The following TF variants were observed in gnomAD, a reference collection of about 807,000 sequenced individuals.
TF encodes serotransferrin.
A neutral mutation model predicts 82.4 loss-of-function variants in TF; 55 were observed. The observed-to-expected ratio is 0.67, with a 90% CI of 0.54 to 0.84. The LOEUF (loss-of-function observed/expected upper bound fraction) is 0.84. Among genes scored for constraint, TF ranks in the 40% least tolerant of loss-of-function variants. The pLI, the probability that TF is intolerant of heterozygous loss-of-function variation, is 0.00. For synonymous variants in TF, 332 were observed against 332.6 expected, an observed-to-expected ratio of 1.00 and a Z score of 0.02; for missense variants, 737 against 868.4, an observed-to-expected ratio of 0.85 and a Z score of 1.90.
chr3:133,719,266 C>T, the TF span, among the ~76,000 whole-genome samples: 1 of 152,194 alleles, frequency 6.6e-6, no homozygotes, highest in Non-Finnish European at 1.5e-5. Context: ...CAGAGAGTCA[C>T]CCCTTGCACA....
At chr3:133,719,274 A>G in the TF span, among the ~76,000 whole-genome samples, 1 of 152,330 alleles carries the variant, frequency 6.6e-6, no homozygotes, top group African/African-American at 2.4e-5. Flanking sequence ...CACCCCTTGC[A>G]CATCCCTGTT....
At chr3:133,701,488 T>C in the TF span, among the ~76,000 whole-genome samples, 1 of 152,188 alleles carries the variant, frequency 6.6e-6, no homozygotes, top group Admixed American at 6.5e-5. Context: ...AGTAGGTATT[T>C]GCATCTACAG....
chr3:133,737,298 TG>T, the TF span, among the ~76,000 whole-genome samples: 1 of 152,188 alleles, frequency 6.6e-6, no homozygotes, highest in African/African-American at 2.4e-5. Flanking sequence ...CCAGAATCTC[TG>T]GGACACAGCT....
At chr3:133,686,026 T>G in the TF span, among the ~76,000 whole-genome samples, 2 of 151,488 alleles carry the variant, frequency 1.3e-5, no homozygotes, top group Non-Finnish European at 2.9e-5. Context: ...GAGAACAGAG[T>G]CCTCAGAAAT....
chr3:133,759,696 A>C (rs1933937532), intron 9 of TF, among the ~76,000 whole-genome samples: 1 of 152,154 alleles, frequency 6.6e-6, no homozygotes, highest in Admixed American at 6.6e-5. Flanking sequence ...TTTGTTGATC[A>C]AAAGAGTATC....
the TF span, among the ~76,000 whole-genome samples, chr3:133,729,041 G>A: frequency 3.3e-5 from 5 of 152,314 alleles, no homozygotes; most frequent in South Asian, 2.1e-4. Context: ...GTACCCGGCC[G>A]TGTAAGGTGT....
At chr3:133,664,554 T>C in the TF span, among the ~76,000 whole-genome samples, 1 of 152,140 alleles carries the variant, frequency 6.6e-6, no homozygotes, top group Non-Finnish European at 1.5e-5. Flanking sequence ...ACTCCTGACC[T>C]CGTGATCCAC....
At chr3:133,686,522 T>A in the TF span, among the ~76,000 whole-genome samples, 1 of 152,110 alleles carries the variant, frequency 6.6e-6, no homozygotes, top group African/African-American at 2.4e-5. Context: ...AACAACCCCA[T>A]CAAAATGTGG....
chr3:133,686,979 A>G, the TF span, among the ~76,000 whole-genome samples: 3 of 152,358 alleles, frequency 2.0e-5, no homozygotes, highest in African/African-American at 7.2e-5. Context: ...GATTAAGAAA[A>G]TGTGGCACAT....
chr3:133,732,574 T>G, the TF span, among the ~76,000 whole-genome samples: 1 of 152,298 alleles, frequency 6.6e-6, no homozygotes, highest in African/African-American at 2.4e-5. Flanking sequence ...GCAAGAAATC[T>G]TGCTGCTGCG....
the TF span, among the ~76,000 whole-genome samples, chr3:133,662,565 G>A: frequency 5.3e-5 from 8 of 152,198 alleles, no homozygotes; most frequent in African/African-American, 1.9e-4. Flanking sequence ...CTCCCCTTCA[G>A]TGGACATCGC....
At chr3:133,689,310 C>T in the TF span, among the ~76,000 whole-genome samples, 2 of 151,818 alleles carry the variant, frequency 1.3e-5, no homozygotes, top group East Asian at 1.9e-4. Context: ...GGCAACGGAG[C>T]GAGACTCTGC....
chr3:133,790,563 A>T lies in TF; in HGVS notation c.*11943A>T, dbSNP rs1934806926. 1 of 152,250 alleles carries T rather than the reference A, an allele frequency of 6.6e-6. No homozygotes were observed. Among genetic ancestry groups the T allele is most frequent in the African/African-American group, 2.4e-5 (1 of 41,470 alleles). 9.4% of individuals were successfully genotyped at this position (152,250 alleles called of 1,614,324 possible). On this transcript the variant is annotated 3_prime_UTR_variant, in exon 17 of 17. Coordinates refer to ENST00000402696, the MANE Select transcript of TF (RefSeq NM_001063.4). ...AATATTCTTTAAAACCTGATAGAGA[A>T]TTGGAGATATTTGGCTAATTAACAT...
chr3:133,682,327 G>C, the TF span, among the ~76,000 whole-genome samples: 2 of 152,206 alleles, frequency 1.3e-5, no homozygotes, highest in Non-Finnish European at 2.9e-5. Flanking sequence ...CTCCCCACCA[G>C]CAACGGAATA....
At chr3:133,749,984 C>T (rs1446570506) in intron 2 of TF, among the ~76,000 whole-genome samples, 4 of 152,126 alleles carry the variant, frequency 2.6e-5, no homozygotes, top group African/African-American at 7.2e-5. Flanking sequence ...GCAGTTCTCT[C>T]GATTAGGACT....
At chr3:133,663,995 T>A in the TF span, among the ~76,000 whole-genome samples, 1 of 152,202 alleles carries the variant, frequency 6.6e-6, no homozygotes, top group African/African-American at 2.4e-5. Flanking sequence ...CTGTCTCTAG[T>A]ATCTACTCCT....
intron 10 of TF, among the ~76,000 whole-genome samples, chr3:133,764,649 A>G (rs1338397891): frequency 5.3e-5 from 8 of 152,340 alleles, no homozygotes; most frequent in Non-Finnish European, 1.0e-4. Flanking sequence ...CTCAGTGCAG[A>G]CAGAGCAGGA....
intron 16 of TF, 85 bp downstream of exon 16, chr3:133,777,323 C>A: frequency 1.5e-6 from 2 of 1,377,404 alleles, no homozygotes; most frequent in Non-Finnish European, 2.0e-6. Context: ...GAGGGGTAGG[C>A]TGTGGCCCTT....
rs76676244 is a variant in TF, at chr3:133,751,224, T to C, written c.217-2371T>C. 1.2e-3 allele frequency among the ~76,000 whole-genome samples: 175 copies of C among 141,716 alleles called. 1 individual carries two copies. The East Asian group carries it at 0.037, about 30-fold the overall frequency. 93.0% of individuals were successfully genotyped at this position (141,716 alleles called of 152,430 possible). A position where few individuals can be genotyped will look rare whatever the true frequency, so the allele number is the denominator to read the frequency against. On this transcript the variant is annotated intron_variant, in intron 2 of 16. Transcript: ENST00000402696. ...ATACAAAAGGACAAATATTGTAAGA[T>C]TCCACTTTTTTTTTTTTTTTTTTTT...
Sources: gnomAD v4.1 joint callset for allele counts (sites outside exome capture counted in the v4.1 genomes callset) on GRCh38, gnomAD v4.1.1 for gene constraint, MANE v1.5 for transcripts, NCBI Gene and HGNC (gene_info 2026-07-23, HGNC 2026-07-21) for gene names.